Variants in ADGRL1 observed in about 807,000 individuals in gnomAD.
ADGRL1 encodes CIRL-1.
Under a neutral mutation model 148.9 loss-of-function variants are expected in ADGRL1, and 31 were observed. The ratio of observed to expected loss-of-function variants is 0.21; its 90% confidence interval spans 0.16 to 0.28. The LOEUF (loss-of-function observed/expected upper bound fraction) is 0.28. Ranked by LOEUF, ADGRL1 falls within the 10% of genes least tolerant of loss-of-function variation. The probability of loss-of-function intolerance (pLI) is 1.00; values close to 1 mark genes in which losing one functional copy is unlikely to be tolerated. For synonymous variants in ADGRL1, 937 were observed against 900.3 expected, an observed-to-expected ratio of 1.04 and a Z score of -0.73; for missense variants, 1,521 against 2,058.8, an observed-to-expected ratio of 0.74 and a Z score of 5.05.
chr19:14,185,333 G>GC (rs1484160337), intron 1 of ADGRL1, among the ~76,000 whole-genome samples: 1 of 151,692 alleles, frequency 6.6e-6, no homozygotes, highest in Non-Finnish European at 1.5e-5. Flanking sequence ...TTGCTCTGTT[G>GC]CCCAGGCTGG....
intron 2 of ADGRL1, among the ~76,000 whole-genome samples, chr19:14,181,989 T>C (rs911148021): frequency 4.6e-5 from 7 of 152,136 alleles, no homozygotes; most frequent in Non-Finnish European, 7.4e-5. Flanking sequence ...GGGATTGCGT[T>C]GCCCCATGTT....
Position 14,161,592 on chromosome 19 carries a change from G to T in ADGRL1, c.1230C>A (p.Thr410=). 1 of 1,438,406 alleles carries T rather than the reference G, an allele frequency of 7.0e-7. No homozygotes were observed. The highest frequency in any genetic ancestry group is 9.1e-7 in the Non-Finnish European group (1 of 1,100,564). The allele number at this position is 1,438,406 out of a possible 1,614,324, so 89.1% of individuals were successfully genotyped here. ...PATSPPLSTT[T]TARPTPLTST... ...TGGTGAGGGGCGTGGGCCTGGCTGT[G>T]GTGGTCGTGCTGAGGGGTGGGGAAG... The change falls in exon 6 of 23, where the codon ACC becomes ACA. Residue 410 remains threonine (T), a synonymous_variant. Coordinates refer to ENST00000361434, the MANE Select transcript of ADGRL1 (RefSeq NM_014921.5). This position sits in a 1 kb window ranked among gnomAD's most constrained non-coding sequence, Gnocchi z 4.4.
At chr19:14,185,483 A>T (rs944325402) in intron 1 of ADGRL1, among the ~76,000 whole-genome samples, 1 of 152,100 alleles carries the variant, frequency 6.6e-6, no homozygotes, top group Non-Finnish European at 1.5e-5. Flanking sequence ...TTATAGAGAC[A>T]GGATCTTGCT....
chr19:14,164,903 C>T (rs1286923292), intron 4 of ADGRL1, among the ~76,000 whole-genome samples: 2 of 152,130 alleles, frequency 1.3e-5, no homozygotes, highest in Non-Finnish European at 2.9e-5. Context: ...TCCTGGCTGG[C>T]AGAACCCACA....
At chr19:14,180,979 T>A (rs1163606947) in intron 2 of ADGRL1, among the ~76,000 whole-genome samples, 1 of 149,896 alleles carries the variant, frequency 6.7e-6, no homozygotes, top group African/African-American at 2.5e-5. Flanking sequence ...ACCTGGGAGG[T>A]AGAGCTTGCA....
chr19:14,187,392 C>T (rs913208102), intron 1 of ADGRL1, among the ~76,000 whole-genome samples: 3 of 152,098 alleles, frequency 2.0e-5, no homozygotes, highest in Non-Finnish European at 4.4e-5. Flanking sequence ...AAGATCCCCA[C>T]AGGGCAGGAC....
At chr19:14,181,026 C>T (rs1334128034) in intron 2 of ADGRL1, among the ~76,000 whole-genome samples, 3 of 151,716 alleles carry the variant, frequency 2.0e-5, no homozygotes, top group Non-Finnish European at 4.4e-5. Context: ...CCAGCCTGGG[C>T]GACAGAGCGA....
intron 1 of ADGRL1, among the ~76,000 whole-genome samples, chr19:14,184,642 A>ATTTTT (rs1283218279): frequency 2.9e-4 from 31 of 107,866 alleles, no homozygotes; most frequent in African/African-American, 1.1e-3. Context: ...TTATTTATTT[A>ATTTTT]TTTATTTTTT....
intron 1 of ADGRL1, among the ~76,000 whole-genome samples, chr19:14,190,016 C>T (rs1971830402): frequency 6.6e-6 from 1 of 151,590 alleles, no homozygotes; most frequent in Non-Finnish European, 1.5e-5. Flanking sequence ...GCAACTTCTC[C>T]CTCCCAGTTC....
rs1428684296 is a variant in ADGRL1 at position 14,151,280 on chromosome 19, G to A, written c.4003C>T (p.Leu1335=). 5 of 1,611,690 alleles carry A rather than the reference G, an allele frequency of 3.1e-6. No individual in the cohort carries two copies. The highest frequency in any genetic ancestry group is 4.2e-6 in the Non-Finnish European group (5 of 1,179,546). ...RAEIELLYKA[L]EEPLLLPRAQ... ...CGGGGCAGCAGCAGAGGCTCCTCCA[G>A]GGCCTTATAGAGAAGTTCAATCTCG... Residue 1335 remains leucine, a synonymous_variant, in exon 23 of 23, where the codon CTG becomes TTG. Coordinates refer to ENST00000361434, the MANE Select transcript of ADGRL1 (RefSeq NM_014921.5).
Position 14,155,401 on chromosome 19 carries a change from C to G in ADGRL1, c.3252G>C (p.Gln1084His). ...AYLFTTFNAF[Q>H]GVFIFVFHCA... ...AGTGAAAGACGAAGATGAAGACCCC[C>G]TGGAAGGCGTTGAAGGTGGTGAAGA... Residue 1084 changes from glutamine to histidine, a missense_variant, in exon 18 of 23, where the codon CAG (glutamine) becomes CAC (histidine). Around this residue, in one of 8 missense-constraint regions of ADGRL1, gnomAD observed 185 missense variants for 251.7 expected, o/e 0.74. Coordinates refer to ENST00000361434, the MANE Select transcript of ADGRL1 (RefSeq NM_014921.5). This position sits in a 1 kb window ranked among gnomAD's most constrained non-coding sequence, Gnocchi z 5.0. The G allele has an allele frequency of 1.2e-6, 2 of 1,614,136 alleles. No individual in the cohort carries two copies. Among genetic ancestry groups the G allele is most frequent in the Non-Finnish European group, 1.7e-6 (2 of 1,179,988 alleles).
Position 14,183,623 on chromosome 19 carries a change from C to G in ADGRL1, c.-21G>C, listed in dbSNP as rs1315659058. 1 of 1,558,628 alleles carries G rather than the reference C, an allele frequency of 6.4e-7. No individual in the cohort carries two copies. The highest frequency in any genetic ancestry group is 1.2e-5 in the South Asian group (1 of 84,580). On this transcript the variant is annotated 5_prime_UTR_variant, in exon 2 of 23. Coordinates refer to ENST00000361434, the MANE Select transcript of ADGRL1 (RefSeq NM_014921.5). Reference sequence around the variant, plus strand: ...GCCATGGTGGCAGCCGGGTGCGTGTCCGGAGCTCTCAGTGGCCTGTGCGGG... The same window carrying G: ...GCCATGGTGGCAGCCGGGTGCGTGTGCGGAGCTCTCAGTGGCCTGTGCGGG...
rs1268266127 is a variant in ADGRL1, at chr19:14,175,430, T to C, written c.284+2101A>G. Among the ~76,000 whole-genome samples, 5 of 138,122 alleles carry C rather than the reference T, an allele frequency of 3.6e-5. No homozygotes were observed. The Admixed American group carries it at 3.7e-4, about 10-fold the overall frequency. 90.6% of individuals were successfully genotyped at this position (138,122 alleles called of 152,430 possible). On this transcript the variant is annotated intron_variant, in intron 3 of 22. Coordinates refer to ENST00000361434, the MANE Select transcript of ADGRL1 (RefSeq NM_014921.5). ...CCATCCACCTCACCACTCACAGATA[T>C]GAAAACACACACCTCAGTCAGCCAC... is the stretch of plus-strand genomic sequence containing the variant.
At chr19:14,194,971 T>C (rs1200248966) in intron 1 of ADGRL1, among the ~76,000 whole-genome samples, 3 of 150,656 alleles carry the variant, frequency 2.0e-5, no homozygotes, top group Non-Finnish European at 4.4e-5. Flanking sequence ...TGCAGCCTCA[T>C]CCTCCCAGGC....
Position 14,170,842 on chromosome 19 carries a change from G to A in ADGRL1, c.285-51C>T, listed in dbSNP as rs184350183. ...GAAAGAAACACATAGACGGGGTGGC[G>A]GGGGTGGGGGTGCATGCTCCAGGGT... On this transcript the variant is annotated intron_variant, in intron 3 of 22. Transcript: ENST00000361434. 48 of 851,056 alleles carry A rather than the reference G, an allele frequency of 5.6e-5. No homozygotes were observed. The East Asian group carries it at 1.1e-3, about 20-fold the overall frequency. The allele number at this position is 851,056 out of a possible 1,614,324, so 52.7% of individuals were successfully genotyped here. A position where few individuals can be genotyped will look rare whatever the true frequency, so the allele number is the denominator to read the frequency against.
chr19:14,189,531 T>C (rs1283809766), intron 1 of ADGRL1, among the ~76,000 whole-genome samples: 1 of 152,156 alleles, frequency 6.6e-6, no homozygotes, highest in Non-Finnish European at 1.5e-5. Flanking sequence ...TTCCTGGCCT[T>C]ATTTTGTGTC....
chr19:14,177,781 C>T (rs1370893559), intron 2 of ADGRL1, 37 bp from the exon 3 acceptor site: 8 of 1,581,314 alleles, frequency 5.1e-6, no homozygotes, highest in Non-Finnish European at 6.9e-6. Context: ...ACTCCTGGGC[C>T]TGGGCCAGGA....
rs1188508061 is a variant in ADGRL1 at position 14,183,648 on chromosome 19, G to A, written c.-46C>T. 2 of 1,517,172 alleles carry A rather than the reference G, an allele frequency of 1.3e-6. No individual in the cohort carries two copies. The highest frequency in any genetic ancestry group is 1.2e-5 in the South Asian group (1 of 82,494). The allele number at this position is 1,517,172 out of a possible 1,614,324, so 94.0% of individuals were successfully genotyped here. A position where few individuals can be genotyped will look rare whatever the true frequency, so the allele number is the denominator to read the frequency against. On this transcript the variant is annotated 5_prime_UTR_variant, in exon 2 of 23. Transcript: ENST00000361434. Reference sequence around the variant, plus strand: ...CCGGAGCTCTCAGTGGCCTGTGCGGGGGGCTTTGCCCCACATCACCTGGCA... The same window carrying A: ...CCGGAGCTCTCAGTGGCCTGTGCGGAGGGCTTTGCCCCACATCACCTGGCA...
Position 14,162,610 on chromosome 19 carries a change from A to C in ADGRL1, c.1191T>G (p.Ser397Arg). The C allele has an allele frequency of 6.2e-7, 1 of 1,604,086 alleles. No homozygotes were observed. Among genetic ancestry groups the C allele is most frequent in the East Asian group, 2.2e-5 (1 of 44,672 alleles). The change falls in exon 5 of 23, where the codon AGT becomes AGG. Residue 397 changes from serine (S) to arginine (R), a missense_variant. This residue lies in a region of ADGRL1 where 270 missense variants were observed against 320.4 expected (regional missense o/e 0.84). Coordinates refer to ENST00000361434, the MANE Select transcript of ADGRL1 (RefSeq NM_014921.5). This position sits in a 1 kb window ranked among gnomAD's most constrained non-coding sequence, Gnocchi z 5.4. ...YSLEFGPPDP[S>R]AGPATSPPLS... ...CTGGAAGTGAGTCGTCCTCACCAGC[A>C]CTGGGGTCGGGCGGCCCGAACTCCA...
Sources: gnomAD v4.1 joint callset for allele counts (sites outside exome capture counted in the v4.1 genomes callset) on GRCh38, gnomAD v4.1.1 for gene constraint, gnomAD v4.1.1 regional missense constraint, Gnocchi (gnomAD v3.1) non-coding constraint, MANE v1.5 for transcripts, NCBI Gene and HGNC (gene_info 2026-07-23, HGNC 2026-07-21) for gene names.